The following NEK11 variants were observed in gnomAD, a reference collection of about 807,000 sequenced individuals.
The protein encoded by NEK11 is serine/threonine-protein kinase Nek11.
A neutral mutation model predicts 80.7 loss-of-function variants in NEK11; 72 were observed. The observed-to-expected ratio is 0.89, with a 90% CI of 0.74 to 1.08. The LOEUF is 1.08. Among genes scored for constraint, NEK11 ranks in the 50% least tolerant of loss-of-function variants. The pLI is 0.00. For synonymous variants in NEK11, 251 were observed against 260.7 expected (o/e 0.96, Z 0.36); for missense variants, 764 against 763.6 (o/e 1.00, Z -0.01).
intron 3 of NEK11, chr3:131,072,477 G>T (rs903827262): frequency 6.6e-6 from 1 of 152,190 alleles, no homozygotes; most frequent in South Asian, 2.1e-4. Context: ...ATGACTGTGT[G>T]GGGTAGGCAG....
At chr3:131,046,147 G>T (rs962279379) in intron 3 of NEK11, among the ~76,000 whole-genome samples, 1 of 151,924 alleles carries the variant, frequency 6.6e-6, no homozygotes, top group African/African-American at 2.4e-5. Flanking sequence ...TTCCTTATGC[G>T]GTTTGTTGCC....
chr3:131,080,288 G>A (rs529888415), intron 3 of NEK11, 135 bp from the exon 4 acceptor site: 2 of 644,842 alleles, frequency 3.1e-6, no homozygotes, highest in East Asian at 5.7e-5. Flanking sequence ...AGGAGACACA[G>A]TGTCATAATA....
chr3:131,233,242 C>A (rs1411682119), intron 15 of NEK11, among the ~76,000 whole-genome samples: 1 of 152,096 alleles, frequency 6.6e-6, no homozygotes, highest in Non-Finnish European at 1.5e-5. Context: ...TCCAGCACTG[C>A]GAAAGAATGG....
chr3:131,292,537 A>AT (rs1283267643), intron 17 of NEK11, among the ~76,000 whole-genome samples: 1 of 146,048 alleles, frequency 6.8e-6, no homozygotes, highest in African/African-American at 2.5e-5. Flanking sequence ...TTTTTTAGAG[A>AT]TAGAGTCTCA....
intron 3 of NEK11, among the ~76,000 whole-genome samples, chr3:131,042,197 G>C (rs186961622): frequency 7.2e-6 from 1 of 139,454 alleles, no homozygotes; most frequent in African/African-American, 2.4e-5. Flanking sequence ...GCTAGCTGCA[G>C]GTTTTTGTTT....
chr3:131,150,753 G>A (rs1336785880), intron 7 of NEK11, among the ~76,000 whole-genome samples: 1 of 151,806 alleles, frequency 6.6e-6, no homozygotes, highest in African/African-American at 2.4e-5. Context: ...ATTTTGTAGA[G>A]TTAATATTCA....
chr3:131,099,283 T>A (rs533210069), intron 4 of NEK11, among the ~76,000 whole-genome samples: 5 of 151,992 alleles, frequency 3.3e-5, no homozygotes, highest in African/African-American at 1.2e-4. Flanking sequence ...GACGGTTGTG[T>A]GTGGCTTTAT....
chr3:131,337,345 C>G (rs1209219941), intron 17 of NEK11, among the ~76,000 whole-genome samples: 2 of 151,940 alleles, frequency 1.3e-5, no homozygotes, highest in Non-Finnish European at 2.9e-5. Context: ...AATCATCATT[C>G]TCAGTAAACT....
intron 3 of NEK11, among the ~76,000 whole-genome samples, chr3:131,054,802 G>A (rs921752037): frequency 2.1e-5 from 3 of 144,290 alleles, no homozygotes; most frequent in Admixed American, 6.9e-5. Context: ...ATGAATGAAT[G>A]TACCCGGTAG....
At chr3:131,149,943 T>G (rs533325494) in intron 7 of NEK11, among the ~76,000 whole-genome samples, 9 of 152,164 alleles carry the variant, frequency 5.9e-5, no homozygotes, top group African/African-American at 2.2e-4. Flanking sequence ...TATTAAGTTT[T>G]TTTGTAATAT....
chr3:131,348,137 A>C (rs1035342351), intron 17 of NEK11, among the ~76,000 whole-genome samples: 8 of 152,172 alleles, frequency 5.3e-5, no homozygotes, highest in African/African-American at 9.7e-5. Flanking sequence ...TACACATATA[A>C]ATTTTTAGAG....
chr3:131,048,246 C>T (rs2067740824), intron 3 of NEK11, among the ~76,000 whole-genome samples: 1 of 152,194 alleles, frequency 6.6e-6, no homozygotes, highest in East Asian at 1.9e-4. Context: ...CTGTGTTTCC[C>T]CACCTGCCGC....
At position 131,076,964 on chromosome 3, in the gene NEK11, G is replaced by A. The variant is rs72628537; in HGVS notation, c.171-3459G>A. Reference sequence around the variant, plus strand: ...ATGTGAAAAGATATGTGAAAATTTGGAGAAAAGTAACCCTTAATTAATATC... The same window carrying A: ...ATGTGAAAAGATATGTGAAAATTTGAAGAAAAGTAACCCTTAATTAATATC... On this transcript the variant is annotated intron_variant, in intron 3 of 17. Coordinates refer to ENST00000383366, the MANE Select transcript of NEK11 (RefSeq NM_024800.5). Among the ~76,000 whole-genome samples, 2,439 of 152,276 alleles carry A rather than the reference G, an allele frequency of 0.016. 189 individuals carry two copies. The East Asian group carries it at 0.23, about 14-fold the overall frequency.
rs146505481 is a variant in NEK11 at position 131,094,645 on chromosome 3, A to G, written c.336+14057A>G. Among the ~76,000 whole-genome samples the G allele has an allele frequency of 1.4e-4, 21 of 152,300 alleles. No homozygotes were observed. In the South Asian group the frequency reaches 2.5e-3, roughly 18 times the overall value. ...CAAACACATTTCATGATAACCTTTT[A>G]GCTACTGTTATATCAGCAACCTTCC... On this transcript the variant is annotated intron_variant, in intron 4 of 17. Transcript: ENST00000383366.
intron 16 of NEK11, among the ~76,000 whole-genome samples, chr3:131,256,818 A>G (rs2095824418): frequency 6.6e-6 from 1 of 152,102 alleles, no homozygotes; most frequent in Admixed American, 6.6e-5. Flanking sequence ...GATCCCTTCC[A>G]AATTGGCCTT....
intron 14 of NEK11, among the ~76,000 whole-genome samples, chr3:131,204,514 G>A (rs1437167908): frequency 1.3e-5 from 2 of 152,092 alleles, no homozygotes; most frequent in African/African-American, 4.8e-5. Flanking sequence ...AGATATTGTA[G>A]ATAGTCAGAA....
intron 17 of NEK11, 69 bp downstream of exon 17, chr3:131,273,643 A>G: frequency 8.6e-7 from 1 of 1,157,868 alleles, no homozygotes; most frequent in South Asian, 1.3e-5. Flanking sequence ...TGTGTGACCC[A>G]GTCATGTGAT....
intron 3 of NEK11, among the ~76,000 whole-genome samples, chr3:131,065,078 T>C (rs1279123318): frequency 1.3e-5 from 2 of 152,234 alleles, no homozygotes; most frequent in Admixed American, 1.3e-4. Context: ...CTTGCTAGTC[T>C]GCTTTCTCTT....
chr3:131,065,015 A>G (rs2071637211), intron 3 of NEK11, among the ~76,000 whole-genome samples: 1 of 152,234 alleles, frequency 6.6e-6, no homozygotes, highest in African/African-American at 2.4e-5. Context: ...GCACAAAGGC[A>G]TGAAAACCCT....
Sources: allele counts gnomAD v4.1 joint callset (sites outside exome capture counted in the v4.1 genomes callset), GRCh38; gene constraint gnomAD v4.1.1; transcripts MANE v1.5; gene names NCBI Gene and HGNC (gene_info 2026-07-23, HGNC 2026-07-21).